PRDM16: variants seen among roughly 807,000 people sequenced by gnomAD.
PRDM16 encodes the protein histone-lysine N-methyltransferase PRDM16.
Under a neutral mutation model 110.6 loss-of-function variants are expected in PRDM16, and 23 were observed. The observed-to-expected ratio is 0.21, with a 90% confidence interval of 0.15 to 0.29. PRDM16 has a LOEUF of 0.29. PRDM16 is among the 10% of genes least tolerant of loss of function. PRDM16 has a pLI of 1.00. For synonymous variants in PRDM16, 799 were observed against 781.8 expected (o/e 1.02, Z -0.37); for missense variants, 1,615 against 1,794.3 (o/e 0.90, Z 1.81).
At chr1:3,284,355 G>C (rs1480300975) in intron 3 of PRDM16, among the ~76,000 whole-genome samples, 1 of 152,220 alleles carries the variant, frequency 6.6e-6, no homozygotes, top group East Asian at 1.9e-4. Context: ...TGTTAAGATG[G>C]CAGTATTTAT....
chr1:3,128,288 A>G (rs1643253246), intron 1 of PRDM16, among the ~76,000 whole-genome samples: 1 of 149,702 alleles, frequency 6.7e-6, no homozygotes, highest in South Asian at 2.1e-4. Flanking sequence ...GCTCACTTTC[A>G]ACACTGGGTG....
intron 5 of PRDM16, among the ~76,000 whole-genome samples, chr1:3,396,799 T>A (rs1643393526): frequency 6.6e-6 from 1 of 152,234 alleles, no homozygotes; most frequent in African/African-American, 2.4e-5. Flanking sequence ...CTCAACCTAA[T>A]GGCTTTCTTG....
intron 3 of PRDM16, among the ~76,000 whole-genome samples, chr1:3,257,255 C>T (rs973793564): frequency 3.3e-5 from 5 of 152,146 alleles, no homozygotes; most frequent in Admixed American, 6.5e-5. Flanking sequence ...CACAGCTGAC[C>T]CCAGTTTCTG....
intron 1 of PRDM16, among the ~76,000 whole-genome samples, chr1:3,087,193 C>T (rs934534107): frequency 2.7e-5 from 4 of 149,938 alleles, no homozygotes; most frequent in African/African-American, 1.0e-4. Context: ...ACCAGCCCCA[C>T]CCGAGACCAG....
chr1:3,214,745 T>G (rs1638980052), intron 2 of PRDM16, among the ~76,000 whole-genome samples: 1 of 152,228 alleles, frequency 6.6e-6, no homozygotes, highest in Non-Finnish European at 1.5e-5. Flanking sequence ...GAATAGTGTG[T>G]TGGGCCCCTG....
At chr1:3,301,638 G>A (rs539446509) in intron 3 of PRDM16, among the ~76,000 whole-genome samples, 197 of 152,304 alleles carry the variant, frequency 1.3e-3, no homozygotes, top group Admixed American at 3.9e-3. Flanking sequence ...CTCGAAAAAC[G>A]TCCGGTGGGC....
chr1:3,349,268 T>C (rs1348931201), intron 3 of PRDM16, among the ~76,000 whole-genome samples: 1 of 152,060 alleles, frequency 6.6e-6, no homozygotes, highest in Admixed American at 6.5e-5. Flanking sequence ...GGAGATAAGA[T>C]AGAGCTGGTG....
chr1:3,090,218 G>T (rs1374011006), intron 1 of PRDM16, among the ~76,000 whole-genome samples: 1 of 152,232 alleles, frequency 6.6e-6, no homozygotes, highest in Non-Finnish European at 1.5e-5. Flanking sequence ...TCCCCCACAG[G>T]ACATGCAGCG....
intron 1 of PRDM16, among the ~76,000 whole-genome samples, chr1:3,139,398 C>T (rs1470084349): frequency 2.0e-5 from 3 of 152,234 alleles, no homozygotes; most frequent in Non-Finnish European, 4.4e-5. Context: ...GAATCACGTG[C>T]CCCTTGGCCC....
chr1:3,199,161 C>T (rs542813205), intron 2 of PRDM16, among the ~76,000 whole-genome samples: 5 of 152,278 alleles, frequency 3.3e-5, no homozygotes, highest in Admixed American at 2.6e-4. Flanking sequence ...TGCTTGCTTG[C>T]TCCACAGTTT....
In PRDM16 at chr1:3,370,454, T is replaced by C. The variant is rs542319640; in HGVS notation, c.439-14698T>C. Reference sequence around the variant, plus strand: ...CTGGAGGCGCCTTCATTCATTCATTTGTTCCCCAAGCATGCATTGAGCACT... The same window carrying C: ...CTGGAGGCGCCTTCATTCATTCATTCGTTCCCCAAGCATGCATTGAGCACT... On this transcript the variant is annotated intron_variant, in intron 3 of 16. Transcript: ENST00000270722. The surrounding 1 kb of genome is among the most constrained non-coding windows in gnomAD (Gnocchi z 4.8). Among the ~76,000 whole-genome samples, 1 of 152,264 alleles carries C rather than the reference T, an allele frequency of 6.6e-6. No individual in the cohort carries two copies. Among genetic ancestry groups the C allele is most frequent in the Non-Finnish European group, 1.5e-5 (1 of 68,026 alleles).
At chr1:3,369,514 C>T (rs1392963604) in intron 3 of PRDM16, among the ~76,000 whole-genome samples, 4 of 140,680 alleles carry the variant, frequency 2.8e-5, no homozygotes, top group African/African-American at 1.3e-4. Flanking sequence ...CTTCCACATC[C>T]GCTGGGCAGC....
intron 2 of PRDM16, among the ~76,000 whole-genome samples, chr1:3,238,475 T>A (rs1298952471): frequency 1.3e-5 from 2 of 152,164 alleles, no homozygotes; most frequent in African/African-American, 4.8e-5. Context: ...TTAAAAAAAA[T>A]CATTTCTGTA....
In PRDM16 at chr1:3,390,599, C is replaced by T. The variant is rs1027222028; in HGVS notation, c.573+5313C>T. On this transcript the variant is annotated intron_variant, in intron 4 of 16. Transcript: ENST00000270722. This position sits in a 1 kb window ranked among gnomAD's most constrained non-coding sequence, Gnocchi z 5.0. ...GGCCGCCGGTGGCCAGGCAGCACCG[C>T]GTGGACAAGAGCCCGCGCGGGTTGT... Among the ~76,000 whole-genome samples, 3 of 152,064 alleles carry T rather than the reference C, an allele frequency of 2.0e-5. No individual in the cohort carries two copies. Among genetic ancestry groups the T allele is most frequent in the African/African-American group, 4.8e-5 (2 of 41,426 alleles).
chr1:3,161,139 G>C (rs1283332683), intron 1 of PRDM16, among the ~76,000 whole-genome samples: 1 of 152,188 alleles, frequency 6.6e-6, no homozygotes, highest in East Asian at 1.9e-4. Context: ...GCTGAGGACA[G>C]CTGACAGGTG....
At chr1:3,272,996 C>T (rs1234692303) in intron 3 of PRDM16, among the ~76,000 whole-genome samples, 1 of 152,234 alleles carries the variant, frequency 6.6e-6, no homozygotes, top group African/African-American at 2.4e-5. Context: ...GGGGGCTTAC[C>T]TGAGGCTGCA....
intron 3 of PRDM16, among the ~76,000 whole-genome samples, chr1:3,355,155 C>T (rs1642569266): frequency 1.3e-5 from 2 of 152,150 alleles, no homozygotes; most frequent in South Asian, 4.1e-4. Flanking sequence ...CCACAGAACA[C>T]CCAGACCTGA....
In PRDM16 at chr1:3,213,616, G is replaced by A. The variant is rs750219451; in HGVS notation, c.387+27142G>A. ...GAACAGGAGCAAGTGCGGCATTCTG[G>A]AGGGAGGTGGCACTTGTTTCCATGA... is the stretch of plus-strand genomic sequence containing the variant. On this transcript the variant is annotated intron_variant, in intron 2 of 16. Coordinates refer to ENST00000270722, the MANE Select transcript of PRDM16 (RefSeq NM_022114.4). This position sits in a 1 kb window ranked among gnomAD's most constrained non-coding sequence, Gnocchi z 5.3. Among the ~76,000 whole-genome samples, 2 of 152,154 alleles carry A rather than the reference G, an allele frequency of 1.3e-5. No homozygotes were observed. Among genetic ancestry groups the A allele is most frequent in the Non-Finnish European group, 2.9e-5 (2 of 68,036 alleles).
intron 2 of PRDM16, among the ~76,000 whole-genome samples, chr1:3,224,861 C>T (rs1188202844): frequency 2.6e-5 from 4 of 152,234 alleles, no homozygotes; most frequent in African/African-American, 2.4e-5. Context: ...TATGCAATCT[C>T]GTCTCTGCGG....
Sources: allele counts gnomAD v4.1 joint callset (sites outside exome capture counted in the v4.1 genomes callset), GRCh38; gene constraint gnomAD v4.1.1; non-coding constraint Gnocchi (gnomAD v3.1); transcripts MANE v1.5; gene names NCBI Gene and HGNC (gene_info 2026-07-23, HGNC 2026-07-21).